Variants in STEAP1B observed in about 807,000 individuals in gnomAD.
STEAP1B encodes the protein STEAP family protein MGC87042.
Under a neutral mutation model 27.9 loss-of-function variants are expected in STEAP1B, and 13 were observed. The observed-to-expected ratio is 0.47, with a 90% CI of 0.30 to 0.74. STEAP1B has a LOEUF of 0.74. STEAP1B is among the 30% of genes least tolerant of loss of function. The pLI, the probability that STEAP1B is intolerant of heterozygous loss-of-function variation, is 0.06. For synonymous variants in STEAP1B, 86 were observed against 107.1 expected (o/e 0.80, Z 1.22); for missense variants, 250 against 298.7 (o/e 0.84, Z 1.20).
intron 4 of STEAP1B, among the ~76,000 whole-genome samples, chr7:22,465,355 G>A (rs1366532888): frequency 4.6e-5 from 7 of 152,126 alleles, no homozygotes; most frequent in African/African-American, 7.2e-5. Flanking sequence ...GATAAGGGTG[G>A]ACTAATGTAC....
At position 22,419,770 on chromosome 7, in the gene STEAP1B, T is replaced by A; in HGVS notation, c.*34A>T. ...TCCAATGCTGTGCTCCAAAGCCTCG[T>A]TCTCATTTCCTCTCATGTTACTGGC... On this transcript the variant is annotated 3_prime_UTR_variant, in exon 5 of 5. Transcript: ENST00000678116. The A allele has an allele frequency of 3.9e-6, 6 of 1,547,680 alleles. No individual in the cohort carries two copies. Among genetic ancestry groups the A allele is most frequent in the Non-Finnish European group, 5.2e-6 (6 of 1,144,772 alleles).
intron 4 of STEAP1B, among the ~76,000 whole-genome samples, chr7:22,453,018 GA>G (rs1159695230): frequency 6.6e-6 from 1 of 152,156 alleles, no homozygotes; most frequent in Non-Finnish European, 1.5e-5. Context: ...GTTTTGAAGT[GA>G]AACAATTTCA....
At chr7:22,494,041 C>T (rs1285294224) in intron 2 of STEAP1B, among the ~76,000 whole-genome samples, 1 of 137,248 alleles carries the variant, frequency 7.3e-6, no homozygotes, top group Non-Finnish European at 1.6e-5. Context: ...ATACATGCTT[C>T]AGACAGGTAA....
intron 4 of STEAP1B, among the ~76,000 whole-genome samples, chr7:22,431,260 G>C (rs550522595): frequency 1.3e-5 from 2 of 152,218 alleles, no homozygotes; most frequent in South Asian, 4.2e-4. Flanking sequence ...TTCACCCTAA[G>C]GCTCACTCTC....
intron 1 of STEAP1B, among the ~76,000 whole-genome samples, chr7:22,498,556 G>A (rs1786480782): frequency 6.6e-6 from 1 of 152,194 alleles, no homozygotes. Flanking sequence ...TAACTATATT[G>A]TGAACAACAA....
At chr7:22,452,399 C>T (rs1488177082) in intron 4 of STEAP1B, among the ~76,000 whole-genome samples, 1 of 152,038 alleles carries the variant, frequency 6.6e-6, no homozygotes, top group Non-Finnish European at 1.5e-5. Flanking sequence ...CTCCCTGCAG[C>T]GCCCTCTATT....
intron 4 of STEAP1B, among the ~76,000 whole-genome samples, chr7:22,422,150 C>G (rs557413911): frequency 6.6e-6 from 1 of 152,278 alleles, no homozygotes; most frequent in Admixed American, 6.5e-5. Flanking sequence ...CTGGTTTAAT[C>G]TAGGAAATGT....
intron 4 of STEAP1B, among the ~76,000 whole-genome samples, chr7:22,431,328 G>C (rs1485030117): frequency 6.6e-6 from 1 of 152,026 alleles, no homozygotes; most frequent in Non-Finnish European, 1.5e-5. Flanking sequence ...CCTCAATTAT[G>C]TCCAGCAGGA....
intron 4 of STEAP1B, among the ~76,000 whole-genome samples, chr7:22,430,376 TCTC>T (rs1380748116): frequency 1.3e-5 from 2 of 152,166 alleles, no homozygotes; most frequent in African/African-American, 4.8e-5. Flanking sequence ...GAACAACTAT[TCTC>T]CTCCTTGTTA....
intron 4 of STEAP1B, among the ~76,000 whole-genome samples, chr7:22,456,083 C>CT (rs1411942551): frequency 6.6e-6 from 1 of 151,856 alleles, no homozygotes; most frequent in African/African-American, 2.4e-5. Flanking sequence ...GGAGGCAGAG[C>CT]TTGCAGTGAG....
intron 1 of STEAP1B, among the ~76,000 whole-genome samples, chr7:22,496,114 T>C (rs573338974): frequency 6.6e-6 from 1 of 152,118 alleles, no homozygotes; most frequent in Admixed American, 6.5e-5. Context: ...GTGATACTGA[T>C]GATCCTGACC....
At position 22,419,587 on chromosome 7, in the gene STEAP1B, C is replaced by A; in HGVS notation, c.*217G>T. On this transcript the variant is annotated 3_prime_UTR_variant, in exon 5 of 5. Transcript: ENST00000678116. ...CCAACACAATCTCAGTGGATTAGCACAACACATATGGACTTTTTGTTTGCT... is the reference window on the plus strand; with the variant it reads ...CCAACACAATCTCAGTGGATTAGCAAAACACATATGGACTTTTTGTTTGCT... 2.4e-6 allele frequency: 1 copy of A among 419,940 alleles called. No individual in the cohort carries two copies. Among genetic ancestry groups the A allele is most frequent in the Non-Finnish European group, 4.3e-6 (1 of 234,460 alleles). 26.0% of individuals were successfully genotyped at this position (419,940 alleles called of 1,614,324 possible).
intron 4 of STEAP1B, among the ~76,000 whole-genome samples, chr7:22,423,619 G>A (rs1455030871): frequency 6.6e-6 from 1 of 152,234 alleles, no homozygotes; most frequent in Non-Finnish European, 1.5e-5. Flanking sequence ...GGAATGCAGA[G>A]TAGTTACTCA....
At chr7:22,439,179 A>C (rs1785295584) in intron 4 of STEAP1B, among the ~76,000 whole-genome samples, 1 of 142,564 alleles carries the variant, frequency 7.0e-6, no homozygotes, top group Non-Finnish European at 1.5e-5. Context: ...CGTGCCCCTA[A>C]ACAGTTTCAC....
At chr7:22,474,631 C>A (rs1785940768) in intron 4 of STEAP1B, among the ~76,000 whole-genome samples, 1 of 152,200 alleles carries the variant, frequency 6.6e-6, no homozygotes, top group South Asian at 2.1e-4. Context: ...TCATCGTATA[C>A]AGGGTGCTGC....
chr7:22,455,994 A>C (rs1583639911), intron 4 of STEAP1B, among the ~76,000 whole-genome samples: 5 of 152,232 alleles, frequency 3.3e-5, no homozygotes, highest in Admixed American at 3.3e-4. Flanking sequence ...AAAAATACCA[A>C]AAATTAGCTG....
chr7:22,450,904 G>A (rs1052345520), intron 4 of STEAP1B, among the ~76,000 whole-genome samples: 1 of 152,124 alleles, frequency 6.6e-6, no homozygotes, highest in Admixed American at 6.5e-5. Context: ...TGTGACTACT[G>A]AAAATGGGGG....
chr7:22,483,395 T>C (rs1263450829), intron 4 of STEAP1B, among the ~76,000 whole-genome samples: 1 of 152,256 alleles, frequency 6.6e-6, no homozygotes, highest in Non-Finnish European at 1.5e-5. Context: ...AAGTTGCCTA[T>C]GGGCATGACT....
intron 4 of STEAP1B, among the ~76,000 whole-genome samples, chr7:22,431,735 G>A (rs1355295244): frequency 6.6e-6 from 1 of 152,214 alleles, no homozygotes; most frequent in East Asian, 1.9e-4. Context: ...GAGAAAACTG[G>A]ATCAGGACAA....
Sources: gnomAD v4.1 joint callset for allele counts (sites outside exome capture counted in the v4.1 genomes callset) on GRCh38, gnomAD v4.1.1 for gene constraint, MANE v1.5 for transcripts, NCBI Gene and HGNC (gene_info 2026-07-23, HGNC 2026-07-21) for gene names.